NSMCE2: variants seen among roughly 807,000 people sequenced by gnomAD.
NSMCE2 encodes the protein E3 SUMO-protein ligase NSE2.
Under a neutral mutation model 23.8 loss-of-function variants are expected in NSMCE2, and 24 were observed. The ratio of observed to expected loss-of-function variants is 1.01; its 90% CI spans 0.73 to 1.42. The LOEUF (loss-of-function observed/expected upper bound fraction) is 1.42, where lower values mean the gene tolerates loss of function less well. Ranked by LOEUF, NSMCE2 falls within the 40% of genes most tolerant of loss-of-function variation. The pLI, the probability that NSMCE2 is intolerant of heterozygous loss-of-function variation, is 0.00. For missense variants in NSMCE2, 284 were observed against 296.5 expected, an observed-to-expected ratio of 0.96 and a Z score of 0.31; for synonymous variants, 92 against 94.1, an observed-to-expected ratio of 0.98 and a Z score of 0.13.
chr8:125,144,359 A>G (rs1251118832), intron 3 of NSMCE2, among the ~76,000 whole-genome samples: 3 of 152,234 alleles, frequency 2.0e-5, no homozygotes, highest in South Asian at 4.1e-4. Context: ...TCTGTTAGCC[A>G]TGCCCACCTG....
chr8:125,240,671 A>G (rs1243259383), intron 5 of NSMCE2, among the ~76,000 whole-genome samples: 3 of 152,130 alleles, frequency 2.0e-5, no homozygotes, highest in Non-Finnish European at 2.9e-5. Flanking sequence ...GATAGCATTA[A>G]GTAAATCCCT....
intron 5 of NSMCE2, among the ~76,000 whole-genome samples, chr8:125,322,546 A>G (rs967040749): frequency 6.6e-6 from 1 of 152,254 alleles, no homozygotes; most frequent in African/African-American, 2.4e-5. Context: ...CTGAAAGCAT[A>G]TCCCCTAAGG....
chr8:125,110,913 T>G (rs927618684), intron 3 of NSMCE2, among the ~76,000 whole-genome samples: 1 of 152,016 alleles, frequency 6.6e-6, no homozygotes, highest in Admixed American at 6.6e-5. Flanking sequence ...TCAGGGCCTT[T>G]GTACTGACCC....
chr8:125,228,257 C>G lies in NSMCE2; in HGVS notation c.418+46001C>G, dbSNP rs150790033. Among the ~76,000 whole-genome samples the G allele has an allele frequency of 9.0e-3, 1,370 of 152,118 alleles. 22 individuals carry two copies. Among genetic ancestry groups the G allele is most frequent in the Admixed American group, 0.039 (601 of 15,284 alleles). ...TGTTTTGGTAAAATTTTACTTCTTT[C>G]TAAAGTGTTTTGATGCATTTATTCA... On this transcript the variant is annotated intron_variant, in intron 5 of 7. Coordinates refer to ENST00000287437, the MANE Select transcript of NSMCE2 (RefSeq NM_173685.4).
At chr8:125,151,032 G>A in intron 3 of NSMCE2, 139 bp from the exon 4 acceptor site, 1 of 440,546 alleles carries the variant, frequency 2.3e-6, no homozygotes, top group Non-Finnish European at 4.0e-6. Context: ...TTATTTTTTT[G>A]AGGAGGTTTT....
intron 5 of NSMCE2, among the ~76,000 whole-genome samples, chr8:125,273,049 A>G (rs1362462026): frequency 6.6e-6 from 1 of 152,164 alleles, no homozygotes; most frequent in East Asian, 1.9e-4. Context: ...GCCGCCTATC[A>G]TAGAACCTGA....
At chr8:125,167,221 C>T (rs576358741) in intron 4 of NSMCE2, among the ~76,000 whole-genome samples, 4 of 152,234 alleles carry the variant, frequency 2.6e-5, no homozygotes, top group African/African-American at 9.6e-5. Context: ...TGTAGTAAAG[C>T]GAGGTTTATC....
intron 5 of NSMCE2, among the ~76,000 whole-genome samples, chr8:125,325,143 ACTTAAATG>A (rs1829613849): frequency 1.3e-5 from 2 of 152,102 alleles, no homozygotes; most frequent in Admixed American, 6.6e-5. Context: ...GAAGCTACTT[ACTTAAATG>A]CTTATTATAG....
intron 5 of NSMCE2, among the ~76,000 whole-genome samples, chr8:125,324,793 C>T (rs1829594199): frequency 1.5e-5 from 1 of 67,720 alleles, no homozygotes; most frequent in African/African-American, 3.2e-5. Flanking sequence ...ACAGGATGGT[C>T]TCGATCTCCT....
intron 5 of NSMCE2, among the ~76,000 whole-genome samples, chr8:125,296,110 A>G (rs1450706825): frequency 1.3e-5 from 2 of 152,274 alleles, no homozygotes; most frequent in Non-Finnish European, 2.9e-5. Context: ...GCTAGGCATT[A>G]TAATAGCCTT....
At position 125,300,485 on chromosome 8, in the gene NSMCE2, G is replaced by T. The variant is rs947297754; in HGVS notation, c.419-56734G>T. ...GCCCTGGCTATGCCATTTAGACCTC[G>T]TTCTAAGCCATATCAAATGTGACAA... On this transcript the variant is annotated intron_variant, in intron 5 of 7. Transcript: ENST00000287437. 3.9e-5 allele frequency among the ~76,000 whole-genome samples: 6 copies of T among 152,228 alleles called. No homozygotes were observed. In the East Asian group the frequency reaches 7.7e-4, roughly 20 times the overall value.
At chr8:125,151,339 A>G in intron 4 of NSMCE2, 62 bp downstream of exon 4, 1 of 783,592 alleles carries the variant, frequency 1.3e-6, no homozygotes, top group Non-Finnish European at 2.2e-6. Context: ...AGAAGTAGAA[A>G]CACAAAATCA....
intron 3 of NSMCE2, among the ~76,000 whole-genome samples, chr8:125,114,067 C>T (rs1376641121): frequency 2.6e-5 from 4 of 152,164 alleles, no homozygotes; most frequent in Non-Finnish European, 5.9e-5. Context: ...ACATGATCTT[C>T]TGAAAATCTG....
At chr8:125,366,273 G>T (rs1411591008) in intron 7 of NSMCE2, among the ~76,000 whole-genome samples, 1 of 152,214 alleles carries the variant, frequency 6.6e-6, no homozygotes, top group Non-Finnish European at 1.5e-5. Context: ...GGGCGCGGTG[G>T]CTCACGCCGG....
intron 3 of NSMCE2, among the ~76,000 whole-genome samples, chr8:125,140,698 G>A (rs1016056154): frequency 6.6e-6 from 1 of 151,956 alleles, no homozygotes; most frequent in Non-Finnish European, 1.5e-5. Flanking sequence ...TGTCTTGGCT[G>A]CCACAAATTC....
chr8:125,236,829 T>C (rs74941827), intron 5 of NSMCE2, among the ~76,000 whole-genome samples: 3 of 151,960 alleles, frequency 2.0e-5, no homozygotes, highest in African/African-American at 7.2e-5. Context: ...TTTTTTTTTT[T>C]CTGATCTTGC....
At chr8:125,238,827 G>A (rs1419115317) in intron 5 of NSMCE2, among the ~76,000 whole-genome samples, 2 of 152,162 alleles carry the variant, frequency 1.3e-5, no homozygotes, top group African/African-American at 4.8e-5. Context: ...AACAGTCACA[G>A]TTTTGTTTAT....
chr8:125,315,012 G>T, intron 5 of NSMCE2, among the ~76,000 whole-genome samples: 1 of 152,182 alleles, frequency 6.6e-6, no homozygotes, highest in Non-Finnish European at 1.5e-5. Flanking sequence ...AAAGGAAGGA[G>T]ATATAATTAG....
intron 7 of NSMCE2, among the ~76,000 whole-genome samples, chr8:125,358,735 C>G (rs1360107709): frequency 2.0e-5 from 3 of 152,122 alleles, no homozygotes; most frequent in Admixed American, 6.5e-5. Flanking sequence ...TGGCTTGCTT[C>G]TCCATTGCCC....
Sources: gnomAD v4.1 joint callset for allele counts (sites outside exome capture counted in the v4.1 genomes callset) on GRCh38, gnomAD v4.1.1 for gene constraint, MANE v1.5 for transcripts, NCBI Gene and HGNC (gene_info 2026-07-23, HGNC 2026-07-21) for gene names.